The following TM2D1 variants were observed in gnomAD, a reference collection of about 807,000 sequenced individuals.
TM2D1 encodes the protein TM2 domain containing 1, also known as TM2 domain-containing protein 1.
A neutral mutation model predicts 28.4 loss-of-function variants in TM2D1; 15 were observed. That is an observed-to-expected ratio of 0.53 (90% CI 0.35 to 0.81). The LOEUF (loss-of-function observed/expected upper bound fraction) is 0.81. Ranked by LOEUF, TM2D1 falls within the 40% of genes least tolerant of loss-of-function variation. The probability of loss-of-function intolerance (pLI) is 0.01; values close to 1 mark genes in which losing one functional copy is unlikely to be tolerated. For synonymous variants in TM2D1, 93 were observed against 96.2 expected, an observed-to-expected ratio of 0.97 and a Z score of 0.20; for missense variants, 236 against 254.9, an observed-to-expected ratio of 0.93 and a Z score of 0.50.
At chr1:61,716,787 A>G (rs1644525833) in intron 2 of TM2D1, among the ~76,000 whole-genome samples, 4 of 152,022 alleles carry the variant, frequency 2.6e-5, no homozygotes, top group Non-Finnish European at 5.9e-5. Flanking sequence ...GACATACTTT[A>G]TAATGATTTC....
chr1:61,718,533 AG>A (rs768426155), intron 2 of TM2D1, among the ~76,000 whole-genome samples: 15 of 152,212 alleles, frequency 9.9e-5, no homozygotes, highest in Non-Finnish European at 2.1e-4. Context: ...TAGGGGTGGT[AG>A]GGGGATATCT....
chr1:61,683,628 A>G, intron 5 of TM2D1, 82 bp from the exon 6 acceptor site: 1 of 733,796 alleles, frequency 1.4e-6, no homozygotes, highest in Non-Finnish European at 2.2e-6. Context: ...AGTTGTTAAT[A>G]AAAGTATTTC....
At chr1:61,719,389 G>T (rs552798022) in intron 2 of TM2D1, among the ~76,000 whole-genome samples, 1 of 149,256 alleles carries the variant, frequency 6.7e-6, no homozygotes, top group Admixed American at 6.7e-5. Context: ...TATTTCTAGT[G>T]GCAGAAAAAA....
rs553794480 is a variant in TM2D1, at chr1:61,704,105, G to A, written c.348-3080C>T. Among the ~76,000 whole-genome samples, 3 of 152,066 alleles carry A rather than the reference G, an allele frequency of 2.0e-5. No homozygotes were observed. The South Asian group carries it at 6.2e-4, about 32-fold the overall frequency. ...GGTTTTCACCATGTTGTCCAGGCTG[G>A]TCTCGAACTCCTGACCTCAGGTGAT... On this transcript the variant is annotated intron_variant, in intron 3 of 6. Transcript: ENST00000606498.
rs115990128 is a variant in TM2D1 at position 61,713,471 on chromosome 1, C to T, written c.239-4034G>A. On this transcript the variant is annotated intron_variant, in intron 2 of 6. Transcript: ENST00000606498. ...TCCAGCCTGGGTAAGAGGACAAGAC[C>T]CCCCGCAACTCAAAAACAAAAAAAA... Among the ~76,000 whole-genome samples, 1,367 of 144,600 alleles carry T rather than the reference C, an allele frequency of 9.5e-3. 18 individuals carry two copies. The highest frequency in any genetic ancestry group is 0.032 in the African/African-American group (1,244 of 38,372). The allele number at this position is 144,600 out of a possible 152,430, so 94.9% of individuals were successfully genotyped here.
At chr1:61,686,796 T>C (rs567953184) in intron 5 of TM2D1, 2 of 971,834 alleles carry the variant, frequency 2.1e-6, no homozygotes, top group South Asian at 9.5e-5. Context: ...ACAAACCTTT[T>C]AAAATATCCC....
Position 61,683,413 on chromosome 1 carries a change from T to A in TM2D1, c.*19+4A>T. 1 of 918,608 alleles carries A rather than the reference T, an allele frequency of 1.1e-6. No individual in the cohort carries two copies. Among genetic ancestry groups the A allele is most frequent in the Non-Finnish European group, 1.6e-6 (1 of 618,244 alleles). The allele number at this position is 918,608 out of a possible 1,614,324, so 56.9% of individuals were successfully genotyped here. On this transcript the variant is annotated splice_donor_region_variant and intron_variant, in intron 6 of 6. Coordinates refer to ENST00000606498, the MANE Select transcript of TM2D1 (RefSeq NM_032027.3). ...GATATTACATATATATATATATCAC[T>A]TACTGTTTCTTTTAAAAAATATTTA...
chr1:61,703,721 TATATA>T (rs1644419956), intron 3 of TM2D1, among the ~76,000 whole-genome samples: 1 of 1,330 alleles, frequency 7.5e-4, no homozygotes. Context: ...CCAATCTTTA[TATATA>T]TATATATATA....
At chr1:61,695,189 A>C (rs1644354842) in intron 4 of TM2D1, among the ~76,000 whole-genome samples, 2 of 151,786 alleles carry the variant, frequency 1.3e-5, no homozygotes, top group South Asian at 4.1e-4. Flanking sequence ...AAATATAAAA[A>C]TTGTCATGCC....
At chr1:61,699,923 T>C in intron 4 of TM2D1, 2 of 346,934 alleles carry the variant, frequency 5.8e-6, no homozygotes, top group South Asian at 1.1e-4. Context: ...GAAATATATC[T>C]ACCATCAACC....
intron 2 of TM2D1, 121 bp downstream of exon 2, chr1:61,723,592 T>C: frequency 2.1e-6 from 1 of 479,566 alleles, no homozygotes; most frequent in Non-Finnish European, 3.6e-6. Flanking sequence ...CTCTGGAAAC[T>C]GAATAATAAT....
chr1:61,719,427 GAGA>G (rs1468375383), intron 2 of TM2D1, among the ~76,000 whole-genome samples: 1 of 152,048 alleles, frequency 6.6e-6, no homozygotes, highest in African/African-American at 2.4e-5. Flanking sequence ...GAGAGAGAGA[GAGA>G]GAGTATGTTA....
At chr1:61,714,241 A>G (rs916242341) in intron 2 of TM2D1, among the ~76,000 whole-genome samples, 2 of 150,880 alleles carry the variant, frequency 1.3e-5, no homozygotes, top group Non-Finnish European at 3.0e-5. Context: ...GGTAAAAAAT[A>G]TTAAAAACTA....
chr1:61,687,449 C>T (rs1644292273), intron 5 of TM2D1, among the ~76,000 whole-genome samples: 2 of 152,094 alleles, frequency 1.3e-5, no homozygotes, highest in Non-Finnish European at 2.9e-5. Context: ...CTTATTTGCA[C>T]TTAATGTTGT....
intron 2 of TM2D1, among the ~76,000 whole-genome samples, chr1:61,710,633 G>T (rs1016010467): frequency 3.3e-5 from 5 of 151,300 alleles, no homozygotes; most frequent in Non-Finnish European, 5.9e-5. Flanking sequence ...ATTTTAGACT[G>T]AAAAGTACTA....
chr1:61,723,933 A>C (rs1644586235), intron 1 of TM2D1, 147 bp from the exon 2 acceptor site: 1 of 463,204 alleles, frequency 2.2e-6, no homozygotes, highest in Non-Finnish European at 3.9e-6. Flanking sequence ...ATGTACAAAT[A>C]TACTTTTAGT....
At position 61,707,599 on chromosome 1, in the gene TM2D1, C is replaced by A. The variant is rs146458252; in HGVS notation, c.347+1730G>T. ...TAATGGAAAAAAAAAGAAATCATAT[C>A]TAAGTACATTGCAAACTATTCTTTT... On this transcript the variant is annotated intron_variant, in intron 3 of 6. Transcript: ENST00000606498. Among the ~76,000 whole-genome samples, 394 of 152,262 alleles carry A rather than the reference C, an allele frequency of 2.6e-3. 4 individuals are homozygous for A. Among genetic ancestry groups the A allele is most frequent in the African/African-American group, 9.1e-3 (379 of 41,546 alleles).
intron 2 of TM2D1, among the ~76,000 whole-genome samples, chr1:61,722,688 A>T (rs1644577443): frequency 6.6e-6 from 1 of 152,190 alleles, no homozygotes; most frequent in African/African-American, 2.4e-5. Context: ...CTTTGTAAGT[A>T]ATCCTTTCCT....
intron 5 of TM2D1, among the ~76,000 whole-genome samples, chr1:61,685,107 G>A (rs563440456): frequency 2.0e-5 from 3 of 152,282 alleles, no homozygotes; most frequent in Admixed American, 6.5e-5. Flanking sequence ...GCCCAGCCTA[G>A]TAGGAAGTTT....
Sources: allele counts gnomAD v4.1 joint callset (sites outside exome capture counted in the v4.1 genomes callset), GRCh38; gene constraint gnomAD v4.1.1; transcripts MANE v1.5; gene names NCBI Gene and HGNC (gene_info 2026-07-23, HGNC 2026-07-21).